Variants in HIF3A observed in about 807,000 individuals in gnomAD.
HIF3A encodes hypoxia inducible factor 3 subunit alpha.
HIF3A carries 41 observed loss-of-function variants against 67.2 expected under a neutral mutation model. The observed-to-expected ratio is 0.61, with a 90% CI of 0.48 to 0.79. HIF3A has a LOEUF of 0.79. Among genes scored for constraint, HIF3A ranks in the 30% least tolerant of loss-of-function variants. The probability of loss-of-function intolerance (pLI) is 0.00; values close to 1 mark genes in which losing one functional copy is unlikely to be tolerated. For synonymous variants in HIF3A, 356 were observed against 374.8 expected (o/e 0.95, Z 0.58); for missense variants, 855 against 898.0 (o/e 0.95, Z 0.61).
intron 2 of HIF3A, 91 bp from the exon 3 acceptor site, chr19:46,305,154 G>T: frequency 6.3e-7 from 1 of 1,580,056 alleles, no homozygotes; most frequent in Non-Finnish European, 8.7e-7. Context: ...CTCTGAATGA[G>T]GAAAGGCAGA....
At chr19:46,313,110 G>T (rs1210685838) in intron 8 of HIF3A, 5 of 613,698 alleles carry the variant, frequency 8.1e-6, no homozygotes, top group Non-Finnish European at 1.0e-5. Flanking sequence ...AATTAGCCGG[G>T]TGTGGTGACA....
chr19:46,304,491 C>T (rs186080551), intron 2 of HIF3A, among the ~76,000 whole-genome samples: 1 of 152,288 alleles, frequency 6.6e-6, no homozygotes, highest in Non-Finnish European at 1.5e-5. Flanking sequence ...CCCAACTTTT[C>T]GTTACTGTAT....
In HIF3A at chr19:46,297,052, G is replaced by C. The variant is rs1223980837; in HGVS notation, c.-25G>C. On this transcript the variant is annotated 5_prime_UTR_variant, in exon 1 of 15. Transcript: ENST00000377670. The surrounding 1 kb of genome is among the most constrained non-coding windows in gnomAD (Gnocchi z 4.5). Reference sequence around the variant, plus strand: ...GGGAGGGGGCTAGGGGCCTCCGAGGGCTCCGGAGCGGCGACTGGCGAGCCA... The same window carrying C: ...GGGAGGGGGCTAGGGGCCTCCGAGGCCTCCGGAGCGGCGACTGGCGAGCCA... The C allele has an allele frequency of 2.3e-6, 3 of 1,302,026 alleles. No individual in the cohort carries two copies. Among genetic ancestry groups the C allele is most frequent in the Non-Finnish European group, 3.0e-6 (3 of 1,014,052 alleles). 80.7% of individuals were successfully genotyped at this position (1,302,026 alleles called of 1,614,324 possible). A position where few individuals can be genotyped will look rare whatever the true frequency, so the allele number is the denominator to read the frequency against.
chr19:46,329,263 C>T lies in HIF3A; in HGVS notation c.1497C>T (p.Asp499=), dbSNP rs776961890. ...CCCCCTACATCTCCATGGATGATGA[C>T]TTCCAGCTCAACGCCAGCGAGCAGC... The part of the protein sequence containing the change: ...MLAPYISMDD[D]FQLNASEQLP... The change falls in exon 12 of 15, where the codon GAC becomes GAT. Residue 499 remains aspartate (D), a synonymous_variant. Coordinates refer to ENST00000377670, the MANE Select transcript of HIF3A (RefSeq NM_152795.4). 1.2e-6 allele frequency: 2 copies of T among 1,613,214 alleles called. No individual in the cohort carries two copies. The highest frequency in any genetic ancestry group is 1.1e-5 in the South Asian group (1 of 91,028).
At chr19:46,304,164 C>CT in intron 2 of HIF3A, 76 bp downstream of exon 2, 1 of 1,338,328 alleles carries the variant, frequency 7.5e-7, no homozygotes, top group Non-Finnish European at 1.0e-6. Context: ...AGGGAGGCCC[C>CT]TCCTCCGGGA....
intron 1 of HIF3A, among the ~76,000 whole-genome samples, chr19:46,298,791 G>A (rs774030835): frequency 2.2e-4 from 33 of 152,270 alleles, no homozygotes; most frequent in South Asian, 2.1e-3. Context: ...CCCTGCCTCT[G>A]GTCTCTCAGG....
rs1444909848 is a variant in HIF3A, at chr19:46,297,182, G to T, written c.26+80G>T. 2 of 703,228 alleles carry T rather than the reference G, an allele frequency of 2.8e-6. No homozygotes were observed. The highest frequency in any genetic ancestry group is 1.0e-4 in the South Asian group (2 of 19,268). 43.6% of individuals were successfully genotyped at this position (703,228 alleles called of 1,614,324 possible). ...ACCCCTGAGCTGGATTGTTGGGGGGGGTGGGGTTCGCGGGTGCGAGCCAAG... is the reference window on the plus strand; with the variant it reads ...ACCCCTGAGCTGGATTGTTGGGGGGTGTGGGGTTCGCGGGTGCGAGCCAAG... On this transcript the variant is annotated intron_variant, in intron 1 of 14. Transcript: ENST00000377670. This position sits in a 1 kb window ranked among gnomAD's most constrained non-coding sequence, Gnocchi z 4.5.
chr19:46,318,497 C>T lies in HIF3A; in HGVS notation c.1026-1946C>T, dbSNP rs185333163. Among the ~76,000 whole-genome samples the T allele has an allele frequency of 5.1e-3, 650 of 126,360 alleles. 7 individuals are homozygous for T. The highest frequency in any genetic ancestry group is 0.018 in the African/African-American group (608 of 33,020). 82.9% of individuals were successfully genotyped at this position (126,360 alleles called of 152,430 possible). ...CTGGGAGATTGAGGCTGCAGTGAGC[C>T]GAGATCGCACCACTGCACTCCAGCC... On this transcript the variant is annotated intron_variant, in intron 8 of 14. Coordinates refer to ENST00000377670, the MANE Select transcript of HIF3A (RefSeq NM_152795.4).
At position 46,329,318 on chromosome 19, in the gene HIF3A, G is replaced by A. The variant is rs562383855; in HGVS notation, c.1552G>A (p.Ala518Thr). 148 of 1,613,306 alleles carry A rather than the reference G, an allele frequency of 9.2e-5. No individual in the cohort carries two copies. Among genetic ancestry groups the A allele is most frequent in the Middle Eastern group, 4.9e-4 (3 of 6,062 alleles). ...CAGGGCCTACCACAGACCTCTGGGG[G>A]CTGTCCCCCGGCCCCGTGCTCGGAG... ...LPRAYHRPLG[A>T]VPRPRARSFH... Residue 518 changes from alanine to threonine, a missense_variant, in exon 12 of 15, where the codon GCT (alanine) becomes ACT (threonine). Physicochemically the swap from Ala to Thr is moderately conservative, Grantham distance 58. Coordinates refer to ENST00000377670, the MANE Select transcript of HIF3A (RefSeq NM_152795.4).
At chr19:46,325,131 G>A (rs1041052848) in intron 10 of HIF3A, among the ~76,000 whole-genome samples, 4 of 151,168 alleles carry the variant, frequency 2.6e-5, no homozygotes, top group African/African-American at 7.3e-5. Flanking sequence ...CTAGTAGCTA[G>A]GACCACAGAT....
At chr19:46,331,069 T>G (rs768008898) in intron 12 of HIF3A, 87 bp from the exon 13 acceptor site, 2 of 942,110 alleles carry the variant, frequency 2.1e-6, no homozygotes, top group East Asian at 4.9e-5. Flanking sequence ...CTCAGGGGAG[T>G]GAATGAATGC....
intron 3 of HIF3A, 110 bp downstream of exon 3, chr19:46,305,500 G>T (rs533433356): frequency 9.5e-7 from 1 of 1,057,888 alleles, no homozygotes; most frequent in Non-Finnish European, 1.4e-6. Flanking sequence ...AATACAAAGG[G>T]GATATAGGTA....
intron 10 of HIF3A, among the ~76,000 whole-genome samples, chr19:46,322,583 G>A (rs549534469): frequency 2.3e-4 from 35 of 152,188 alleles, no homozygotes; most frequent in African/African-American, 7.0e-4. Context: ...GAGATTACAG[G>A]TGCATGCCAC....
At chr19:46,336,819 T>G (rs1971661353) in intron 14 of HIF3A, among the ~76,000 whole-genome samples, 1 of 152,104 alleles carries the variant, frequency 6.6e-6, no homozygotes. Flanking sequence ...AAACCCTGTC[T>G]CTACTAAAAA....
In HIF3A at chr19:46,298,469, C is replaced by T; in HGVS notation, c.26+1367C>T. 2.3e-6 allele frequency: 3 copies of T among 1,287,898 alleles called. No individual in the cohort carries two copies. In the South Asian group the frequency reaches 3.7e-5, roughly 16 times the overall value. The allele number at this position is 1,287,898 out of a possible 1,614,324, so 79.8% of individuals were successfully genotyped here. On this transcript the variant is annotated intron_variant, in intron 1 of 14. Coordinates refer to ENST00000377670, the MANE Select transcript of HIF3A (RefSeq NM_152795.4). ...GGTCCTGGCTGCACCGCATCCCCTC[C>T]TGCACCCCCTGGATGGCCCTTCAGC... is the stretch of plus-strand genomic sequence containing the variant.
rs191352323 is a variant in HIF3A at position 46,304,770 on chromosome 19, G to A, written c.218-475G>A. On this transcript the variant is annotated intron_variant, in intron 2 of 14. Transcript: ENST00000377670. ...CCATAGAATTTTACTTTTCTTGGAG[G>A]CTTTACCCCCTTAGAAGTCTGTTCC... Among the ~76,000 whole-genome samples, 3 of 152,128 alleles carry A rather than the reference G, an allele frequency of 2.0e-5. No individual in the cohort carries two copies. In the East Asian group the frequency reaches 5.8e-4, roughly 30 times the overall value.
At chr19:46,306,032 T>C (rs768754857) in intron 3 of HIF3A, among the ~76,000 whole-genome samples, 1 of 152,018 alleles carries the variant, frequency 6.6e-6, no homozygotes, top group Non-Finnish European at 1.5e-5. Context: ...TGAGCCAAGA[T>C]TGCACCAGTA....
At chr19:46,306,447 A>C (rs1968860208) in intron 3 of HIF3A, 1 of 152,238 alleles carries the variant, frequency 6.6e-6, no homozygotes, top group Non-Finnish European at 1.5e-5. Context: ...AGAGACATTT[A>C]GAAAGTAGAA....
At chr19:46,338,582 C>G in intron 14 of HIF3A, 1 of 1,069,414 alleles carries the variant, frequency 9.4e-7, no homozygotes, top group Non-Finnish European at 1.2e-6. Context: ...CAACAGCTGA[C>G]TTAACTGCTT....
Sources: gnomAD v4.1 joint callset for allele counts (sites outside exome capture counted in the v4.1 genomes callset) on GRCh38, gnomAD v4.1.1 for gene constraint, Gnocchi (gnomAD v3.1) non-coding constraint, MANE v1.5 for transcripts, NCBI Gene and HGNC (gene_info 2026-07-23, HGNC 2026-07-21) for gene names.